ALMS1: variants seen among roughly 807,000 people sequenced by gnomAD.
ALMS1 encodes the protein ALMS1 centrosome and basal body associated protein.
In ALMS1, 271 loss-of-function variants were observed where a neutral mutation model predicts 352.2. That is an observed-to-expected ratio of 0.77 (90% CI 0.70 to 0.85). The LOEUF (loss-of-function observed/expected upper bound fraction) is 0.85. Ranked by LOEUF, ALMS1 falls within the 40% of genes least tolerant of loss-of-function variation. The probability of loss-of-function intolerance (pLI) is 0.00; values close to 1 mark genes in which losing one functional copy is unlikely to be tolerated. For missense variants in ALMS1, 5,445 were observed against 4,870.7 expected (o/e 1.12, Z -3.51); for synonymous variants, 1,865 against 1,761.2 (o/e 1.06, Z -1.48).
intron 21 of ALMS1, among the ~76,000 whole-genome samples, chr2:73,607,680 C>G (rs1253753429): frequency 6.6e-6 from 1 of 151,996 alleles, no homozygotes; most frequent in African/African-American, 2.4e-5. Flanking sequence ...CTCACTTTAT[C>G]ACCCAGCTGT....
chr2:73,386,125 G>T lies in ALMS1; in HGVS notation c.257G>T (p.Arg86Met). The part of the protein sequence containing the change: ...AKAWLQAHPG[R>M]ILPPLSPPQH... ...GCCTGGCTGCAGGCGCACCCCGGCAGGATTTTGCCTCCGCTGTCGCCCCCG... is the reference window on the plus strand; with the variant it reads ...GCCTGGCTGCAGGCGCACCCCGGCATGATTTTGCCTCCGCTGTCGCCCCCG... The change falls in exon 1 of 23, where the codon AGG becomes ATG. Residue 86 changes from arginine to methionine, a missense_variant. Coordinates refer to ENST00000613296, the MANE Select transcript of ALMS1 (RefSeq NM_001378454.1). 1 of 1,575,884 alleles carries T rather than the reference G, an allele frequency of 6.3e-7. No individual in the cohort carries two copies. The highest frequency in any genetic ancestry group is 8.6e-7 in the Non-Finnish European group (1 of 1,161,554).
chr2:73,447,046 A>T (rs1444300164), intron 7 of ALMS1, among the ~76,000 whole-genome samples: 1 of 81,942 alleles, frequency 1.2e-5, no homozygotes, highest in Non-Finnish European at 2.5e-5. Context: ...TCTGTGAGGT[A>T]GGGATTATTG....
At chr2:73,575,713 C>T (rs910836524) in intron 16 of ALMS1, among the ~76,000 whole-genome samples, 2 of 152,038 alleles carry the variant, frequency 1.3e-5, no homozygotes, top group Non-Finnish European at 2.9e-5. Context: ...TCTATATATT[C>T]TGGATATTGA....
rs45452795 is a variant in ALMS1 at position 73,572,709 on chromosome 2, A to G, written c.10832A>G (p.Gln3611Arg). ...LWNKYRERQR[Q>R]QRQPELGDRK... ...AACAAGTATCGGGAGCGACAGAGGC[A>G]ACAGAGACAGCCTGAGTTGGGTGAC... Residue 3611 changes from glutamine (Q) to arginine (R), a missense_variant, in exon 16 of 23, where the codon CAA becomes CGA. Coordinates refer to ENST00000613296, the MANE Select transcript of ALMS1 (RefSeq NM_001378454.1). 5.2e-5 allele frequency: 84 copies of G among 1,613,982 alleles called. No individual in the cohort carries two copies. In the Middle Eastern group the frequency reaches 1.5e-3, roughly 28 times the overall value.
chr2:73,513,402 T>A (rs550996364), intron 10 of ALMS1, among the ~76,000 whole-genome samples: 1 of 152,266 alleles, frequency 6.6e-6, no homozygotes, highest in African/African-American at 2.4e-5. Flanking sequence ...ACACCTCACA[T>A]TGGTCTCCCT....
At chr2:73,488,068 CA>C (rs1281696662) in intron 9 of ALMS1, among the ~76,000 whole-genome samples, 3 of 152,208 alleles carry the variant, frequency 2.0e-5, no homozygotes, top group Non-Finnish European at 2.9e-5. Flanking sequence ...GCGAAACTGG[CA>C]GCCCTTCAAC....
chr2:73,538,210 A>G (rs1261560467), intron 12 of ALMS1, among the ~76,000 whole-genome samples: 1 of 152,188 alleles, frequency 6.6e-6, no homozygotes, highest in Non-Finnish European at 1.5e-5. Context: ...CTCAACAACA[A>G]TAACCCAAAC....
At chr2:73,444,944 G>C (rs1671778210) in intron 7 of ALMS1, among the ~76,000 whole-genome samples, 1 of 151,966 alleles carries the variant, frequency 6.6e-6, no homozygotes, top group Non-Finnish European at 1.5e-5. Flanking sequence ...TTATAAAAAT[G>C]ATATAGTAAT....
In ALMS1 at chr2:73,559,130, A is replaced by T; in HGVS notation, c.10372A>T (p.Ile3458Phe). Reference sequence around the variant, plus strand: ...GCCAAACAATAAAGAATCCCTACAGATCAATATTGAAGGTAATGGGATTGG... The same window carrying T: ...GCCAAACAATAAAGAATCCCTACAGTTCAATATTGAAGGTAATGGGATTGG... ...AWPNNKESLQ[I>F]NIEESECHSE... The change falls in exon 15 of 23, where the codon ATC becomes TTC. Residue 3458 changes from isoleucine (I) to phenylalanine (F), a missense_variant. By Grantham distance (21) the Ile-to-Phe change is conservative. Transcript: ENST00000613296. 6.2e-7 allele frequency: 1 copy of T among 1,613,424 alleles called. No individual in the cohort carries two copies. Among genetic ancestry groups the T allele is most frequent in the Non-Finnish European group, 8.5e-7 (1 of 1,179,680 alleles).
chr2:73,412,171 C>T (rs150933244), intron 2 of ALMS1, among the ~76,000 whole-genome samples: 2 of 152,288 alleles, frequency 1.3e-5, no homozygotes, highest in Admixed American at 6.5e-5. Flanking sequence ...CATGCAGTCA[C>T]CACCACATTT....
At chr2:73,439,793 C>A (rs1671679764) in intron 7 of ALMS1, among the ~76,000 whole-genome samples, 1 of 151,986 alleles carries the variant, frequency 6.6e-6, no homozygotes, top group South Asian at 2.1e-4. Context: ...CCCGCCTTGG[C>A]CTCCCAAAGT....
intron 9 of ALMS1, among the ~76,000 whole-genome samples, chr2:73,488,466 G>T (rs544841914): frequency 6.6e-6 from 1 of 152,310 alleles, no homozygotes; most frequent in African/African-American, 2.4e-5. Context: ...GGAGTTCCCA[G>T]ATCCCCGAAA....
At chr2:73,566,646 G>A (rs956693575) in intron 15 of ALMS1, among the ~76,000 whole-genome samples, 1 of 152,192 alleles carries the variant, frequency 6.6e-6, no homozygotes, top group Non-Finnish European at 1.5e-5. Flanking sequence ...AATGTGTGGG[G>A]TTTCCCCTCA....
intron 1 of ALMS1, among the ~76,000 whole-genome samples, chr2:73,399,938 T>G (rs1670840025): frequency 6.9e-6 from 1 of 145,396 alleles, no homozygotes; most frequent in Admixed American, 6.8e-5. Flanking sequence ...TATTAATTGT[T>G]TTTTTTTTTT....
chr2:73,550,578 A>G, intron 13 of ALMS1, 141 bp downstream of exon 13: 1 of 1,036,424 alleles, frequency 9.6e-7, no homozygotes, highest in East Asian at 2.7e-5. Context: ...ATATACAAGA[A>G]GGCAAAATTT....
At chr2:73,420,896 T>C (rs953977309) in intron 3 of ALMS1, among the ~76,000 whole-genome samples, 3 of 152,164 alleles carry the variant, frequency 2.0e-5, no homozygotes, top group Non-Finnish European at 4.4e-5. Flanking sequence ...TGATGGCTGG[T>C]GCCAGAATGG....
At chr2:73,425,275 A>G (rs1229466691) in intron 5 of ALMS1, among the ~76,000 whole-genome samples, 1 of 152,210 alleles carries the variant, frequency 6.6e-6, no homozygotes, top group Non-Finnish European at 1.5e-5. Flanking sequence ...GAAGGTTTAC[A>G]GAAAGAATCA....
intron 12 of ALMS1, among the ~76,000 whole-genome samples, chr2:73,537,468 A>C (rs1009849018): frequency 2.6e-5 from 4 of 152,208 alleles, no homozygotes; most frequent in Admixed American, 2.6e-4. Flanking sequence ...GGTACATCCC[A>C]ACATATGTGT....
chr2:73,445,740 G>A (rs1444266513), intron 7 of ALMS1, among the ~76,000 whole-genome samples: 1 of 151,566 alleles, frequency 6.6e-6, no homozygotes. Flanking sequence ...ATCTCTAAGA[G>A]GCATACAGTT....
Sources: gnomAD v4.1 joint callset for allele counts (sites outside exome capture counted in the v4.1 genomes callset) on GRCh38, gnomAD v4.1.1 for gene constraint, MANE v1.5 for transcripts, NCBI Gene and HGNC (gene_info 2026-07-23, HGNC 2026-07-21) for gene names.